The following KY variants were observed in gnomAD, a reference collection of about 807,000 sequenced individuals.
KY encodes the protein kyphoscoliosis peptidase.
Under a neutral mutation model 76.1 loss-of-function variants are expected in KY, and 43 were observed. The ratio of observed to expected loss-of-function variants is 0.57; its 90% confidence interval spans 0.44 to 0.73. The LOEUF (loss-of-function observed/expected upper bound fraction) is 0.73. Ranked by LOEUF, KY falls within the 30% of genes least tolerant of loss-of-function variation. KY has a pLI of 0.00. For synonymous variants in KY, 277 were observed against 326.2 expected (o/e 0.85, Z 1.63); for missense variants, 722 against 828.9 (o/e 0.87, Z 1.58).
chr3:134,647,455 A>C lies in KY; in HGVS notation c.179T>G (p.Leu60Ter). 1 of 1,611,962 alleles carries C rather than the reference A, an allele frequency of 6.2e-7. No individual in the cohort carries two copies. Among genetic ancestry groups the C allele is most frequent in the South Asian group, 1.1e-5 (1 of 90,746 alleles). Reference protein sequence around the residue: ...VGNGVRRWQKLEGNDFHENLV... With the variant: ...VGNGVRRWQK ...TTTACCGTGAAAGTCATTTCCTTCT[A>C]ATTTCTGCCATCTTCGGACTCCATT... Residue 60 changes from leucine to a stop codon, truncating the protein, a stop_gained, in exon 2 of 11, where the codon TTA becomes TGA. Coordinates refer to ENST00000423778, the MANE Select transcript of KY (RefSeq NM_178554.6). LOFTEE classifies it high-confidence loss of function.
rs1958996772 is a variant in KY, at chr3:134,602,175, C to G, written c.*1404G>C. Among the ~76,000 whole-genome samples the G allele has an allele frequency of 6.6e-6, 1 of 152,100 alleles. No homozygotes were observed. Among genetic ancestry groups the G allele is most frequent in the Non-Finnish European group, 1.5e-5 (1 of 68,012 alleles). ...GCCAGGGGCCACGGAGCTGGAGAAG[C>G]CGGGAGTTCAGCAGGGAGCATGTCT... On this transcript the variant is annotated 3_prime_UTR_variant, in exon 11 of 11. Coordinates refer to ENST00000423778, the MANE Select transcript of KY (RefSeq NM_178554.6).
chr3:134,646,120 GCATGGC>G (rs1966408094), intron 2 of KY, among the ~76,000 whole-genome samples: 1 of 152,142 alleles, frequency 6.6e-6, no homozygotes, highest in Non-Finnish European at 1.5e-5. Context: ...TCCATGCCCT[GCATGGC>G]CATTTCTGTG....
intron 10 of KY, chr3:134,607,842 G>A (rs2888670): frequency 0.64 from 630,318 of 987,148 alleles, 202,232 homozygotes; most frequent in East Asian, 0.87. Context: ...GCTGGGTCCC[G>A]CCTCCAGAAG....
intron 7 of KY, among the ~76,000 whole-genome samples, chr3:134,619,556 A>G (rs1255755002): frequency 6.6e-6 from 1 of 152,204 alleles, no homozygotes; most frequent in Non-Finnish European, 1.5e-5. Flanking sequence ...CTCTCTGCTA[A>G]TCCCCACCAC....
chr3:134,650,666 C>A (rs867239574), intron 1 of KY, among the ~76,000 whole-genome samples, 159 bp downstream of exon 1: 30 of 152,290 alleles, frequency 2.0e-4, no homozygotes, highest in African/African-American at 7.2e-4. Context: ...CCACGGGACG[C>A]CGGTGCCACT....
chr3:134,650,826 T>A lies in KY; in HGVS notation c.135A>T (p.Gly45=). 1.3e-6 allele frequency: 2 copies of A among 1,585,188 alleles called. No individual in the cohort carries two copies. Among genetic ancestry groups the A allele is most frequent in the South Asian group, 2.3e-5 (2 of 88,876 alleles). Residue 45 remains glycine (G), a splice_region_variant and synonymous_variant, in exon 1 of 11, where the codon GGA becomes GGT. Transcript: ENST00000423778. The part of the protein sequence containing the change: ...ANPSSLLQRG[G]GFQGVGNGVR... ...GGACCCGGGTCGGGCGCGCGTTACC[T>A]CCTCCGCGCTGCAGCAGCGAGCTCG...
chr3:134,603,797 G>T lies in KY; in HGVS notation c.1768C>A (p.Pro590Thr). ...TTGAATGGGACATTCCGGTTGGCAG[G>T]AAGCACACCTGACAGAGGTTCCAGC... The part of the protein sequence containing the change: ...ELLEPLSGVL[P>T]ANRNVPFKLK... Residue 590 changes from proline (P) to threonine (T), a missense_variant, in exon 11 of 11, where the codon CCT becomes ACT. Pro to Thr is a conservative substitution (Grantham distance 38, BLOSUM62 -1). Transcript: ENST00000423778. The T allele has an allele frequency of 6.2e-7, 1 of 1,613,538 alleles. No individual in the cohort carries two copies. Among genetic ancestry groups the T allele is most frequent in the Non-Finnish European group, 8.5e-7 (1 of 1,179,596 alleles).
chr3:134,610,643 C>A (rs1960211828), intron 8 of KY: 1 of 431,610 alleles, frequency 2.3e-6, no homozygotes, highest in East Asian at 3.9e-5. Flanking sequence ...CTGAGACCAA[C>A]ACCATTCAGA....
At chr3:134,613,833 T>C (rs1275018513) in intron 8 of KY, among the ~76,000 whole-genome samples, 1 of 152,212 alleles carries the variant, frequency 6.6e-6, no homozygotes, top group African/African-American at 2.4e-5. Flanking sequence ...AAGACGATGA[T>C]TGTGGAACCC....
At chr3:134,640,846 A>G (rs987043812) in intron 3 of KY, among the ~76,000 whole-genome samples, 1 of 152,106 alleles carries the variant, frequency 6.6e-6, no homozygotes, top group African/African-American at 2.4e-5. Context: ...GATTATCACA[A>G]TGCCTCTTAA....
At chr3:134,619,085 G>C in intron 8 of KY, 63 bp downstream of exon 8, 2 of 1,338,606 alleles carry the variant, frequency 1.5e-6, no homozygotes, top group South Asian at 2.3e-5. Flanking sequence ...AAGGCACATG[G>C]CACTGTGGAA....
In KY at chr3:134,627,046, C is replaced by A. The variant is rs955138244; in HGVS notation, c.400+710G>T. ...GCACTCCTATTTAGAATAAAGGTGG[C>A]ATTTCTGAAATGGTATTGAAAATCC... is the stretch of plus-strand genomic sequence containing the variant. On this transcript the variant is annotated intron_variant, in intron 5 of 10. Coordinates refer to ENST00000423778, the MANE Select transcript of KY (RefSeq NM_178554.6). Among the ~76,000 whole-genome samples the A allele has an allele frequency of 2.6e-5, 4 of 152,290 alleles. No individual in the cohort carries two copies. The East Asian group carries it at 7.7e-4, about 29-fold the overall frequency.
chr3:134,606,853 C>T (rs1959262922), intron 10 of KY: 1 of 909,462 alleles, frequency 1.1e-6, no homozygotes, highest in South Asian at 5.1e-5. Flanking sequence ...CGGCACTCTC[C>T]TAGAGCCTGG....
At chr3:134,631,166 T>C (rs935533914) in intron 3 of KY, among the ~76,000 whole-genome samples, 4 of 152,092 alleles carry the variant, frequency 2.6e-5, no homozygotes, top group Non-Finnish European at 4.4e-5. Context: ...GCAGAAAAAA[T>C]ATTTGAGAAA....
chr3:134,624,904 C>T, intron 6 of KY, 149 bp downstream of exon 6: 1 of 697,474 alleles, frequency 1.4e-6, no homozygotes, highest in East Asian at 2.7e-5. Context: ...GCCTTCTGTC[C>T]CCACCCATAT....
chr3:134,617,282 A>G (rs1184956081), intron 8 of KY, among the ~76,000 whole-genome samples: 2 of 152,210 alleles, frequency 1.3e-5, no homozygotes, highest in Non-Finnish European at 2.9e-5. Context: ...CTAGGCACAA[A>G]TGGAGCTAAG....
intron 3 of KY, among the ~76,000 whole-genome samples, chr3:134,639,234 C>T (rs1004659929): frequency 6.6e-6 from 1 of 152,150 alleles, no homozygotes; most frequent in Admixed American, 6.5e-5. Flanking sequence ...GCAGTGACAT[C>T]CCAGGAATGA....
chr3:134,645,665 AT>A (rs1364233485), intron 2 of KY, among the ~76,000 whole-genome samples: 1 of 152,134 alleles, frequency 6.6e-6, no homozygotes, highest in East Asian at 1.9e-4. Flanking sequence ...TAGAAGCGTC[AT>A]TTTTTCTGGG....
chr3:134,645,988 G>A (rs78274134), intron 2 of KY, among the ~76,000 whole-genome samples: 1,834 of 152,280 alleles, frequency 0.012, 31 homozygotes, highest in African/African-American at 0.042. Context: ...TAAGATGAGT[G>A]TCAGACAACT....
Sources: allele counts gnomAD v4.1 joint callset (sites outside exome capture counted in the v4.1 genomes callset), GRCh38; gene constraint gnomAD v4.1.1; transcripts MANE v1.5; gene names NCBI Gene and HGNC (gene_info 2026-07-23, HGNC 2026-07-21).